Variants in SCRN3 observed in about 807,000 individuals in gnomAD.
SCRN3 encodes the protein secernin 3, also known as secernin-3.
In SCRN3, 39 loss-of-function variants were observed where a neutral mutation model predicts 43.1. That is an observed-to-expected ratio of 0.91 (90% confidence interval 0.70 to 1.18). The LOEUF (loss-of-function observed/expected upper bound fraction) is 1.18. SCRN3 is among the 50% of genes most tolerant of loss of function. The probability of loss-of-function intolerance (pLI) is 0.00; values close to 1 mark genes in which losing one functional copy is unlikely to be tolerated. For missense variants in SCRN3, 484 were observed against 498.0 expected (o/e 0.97, Z 0.27); for synonymous variants, 147 against 163.1 (o/e 0.90, Z 0.75).
rs1685666710 is a variant in SCRN3, at chr2:174,405,606, C to G, written c.754+1291C>G. 2.1e-5 allele frequency among the ~76,000 whole-genome samples: 3 copies of G among 141,990 alleles called. No homozygotes were observed. The South Asian group carries it at 6.6e-4, about 31-fold the overall frequency. The allele number at this position is 141,990 out of a possible 152,430, so 93.2% of individuals were successfully genotyped here. ...ATGGTTTTAGGTCTAAAGTTTAAGT[C>G]TTTAATCCATCTTGAATTGATTTTT... On this transcript the variant is annotated intron_variant, in intron 5 of 7. Transcript: ENST00000272732.
intron 7 of SCRN3, among the ~76,000 whole-genome samples, chr2:174,425,534 C>A (rs1238739474): frequency 6.6e-6 from 1 of 152,098 alleles, no homozygotes; most frequent in Non-Finnish European, 1.5e-5. Flanking sequence ...GAATTTTCCT[C>A]CAGGTAATAA....
At chr2:174,403,553 T>C (rs1434595671) in intron 4 of SCRN3, among the ~76,000 whole-genome samples, 2 of 152,204 alleles carry the variant, frequency 1.3e-5, no homozygotes, top group African/African-American at 2.4e-5. Context: ...ACTATTGATA[T>C]ATACAATAAC....
chr2:174,417,577 TA>T (rs1559081194), intron 5 of SCRN3, among the ~76,000 whole-genome samples: 1 of 152,108 alleles, frequency 6.6e-6, no homozygotes, highest in African/African-American at 2.4e-5. Context: ...GTATTTTTAG[TA>T]GAGACAGGGT....
intron 2 of SCRN3, among the ~76,000 whole-genome samples, chr2:174,399,579 A>G (rs1336242719): frequency 6.6e-6 from 1 of 152,234 alleles, no homozygotes; most frequent in Non-Finnish European, 1.5e-5. Flanking sequence ...TCTTCACTTC[A>G]TGACCCTAAT....
intron 5 of SCRN3, 80 bp from the exon 6 acceptor site, chr2:174,422,805 T>G: frequency 8.7e-6 from 7 of 807,574 alleles, no homozygotes; most frequent in Non-Finnish European, 1.2e-5. Flanking sequence ...TCACATATTA[T>G]CAGTAGAGAA....
chr2:174,408,315 A>G (rs1685768898), intron 5 of SCRN3, among the ~76,000 whole-genome samples: 1 of 122,596 alleles, frequency 8.2e-6, no homozygotes, highest in Non-Finnish European at 1.8e-5. Context: ...TTTGCTTGGT[A>G]GATCTTCCTC....
intron 5 of SCRN3, among the ~76,000 whole-genome samples, chr2:174,417,594 T>G (rs1036422777): frequency 2.6e-5 from 4 of 151,992 alleles, no homozygotes; most frequent in Non-Finnish European, 5.9e-5. Context: ...AGGGTTTCAT[T>G]TTGTTGGCCA....
rs1686548584 is a variant in SCRN3, at chr2:174,427,921, T to A, written c.*26T>A. The A allele has an allele frequency of 6.9e-7, 1 of 1,445,764 alleles. No homozygotes were observed. The highest frequency in any genetic ancestry group is 1.8e-5 in the Admixed American group (1 of 55,976). 89.6% of individuals were successfully genotyped at this position (1,445,764 alleles called of 1,614,324 possible). ...TGATCATATGGTCAGCTAATATTAGTTCTTAGTGATCAGTGGTCAGTAATC... is the reference window on the plus strand; with the variant it reads ...TGATCATATGGTCAGCTAATATTAGATCTTAGTGATCAGTGGTCAGTAATC... On this transcript the variant is annotated 3_prime_UTR_variant, in exon 8 of 8. Transcript: ENST00000272732.
At position 174,401,116 on chromosome 2, in the gene SCRN3, C is replaced by G. The variant is rs994983640; in HGVS notation, c.468C>G (p.Phe156Leu). The G allele has an allele frequency of 6.2e-7, 1 of 1,613,836 alleles. No individual in the cohort carries two copies. The highest frequency in any genetic ancestry group is 8.5e-7 in the Non-Finnish European group (1 of 1,179,854). ...TGGTATTTAGCTATCACAACAGTTT[C>G]CTGATAGCTGATAGGAATGAAGCCT... ...GRMVFSYHNSFLIADRNEAWI... is the reference protein window; with the variant it reads ...GRMVFSYHNSLLIADRNEAWI... Residue 156 changes from phenylalanine to leucine, a missense_variant, in exon 4 of 8, where the codon TTC becomes TTG. Transcript: ENST00000272732.
In SCRN3 at chr2:174,428,081, G is replaced by A; in HGVS notation, c.*186G>A. The A allele has an allele frequency of 2.6e-6, 1 of 390,054 alleles. No homozygotes were observed. Among genetic ancestry groups the A allele is most frequent in the Non-Finnish European group, 4.6e-6 (1 of 215,130 alleles). The allele number at this position is 390,054 out of a possible 1,614,324, so 24.2% of individuals were successfully genotyped here. Reference sequence around the variant, plus strand: ...GTGTTGCTGAAATAGAAAGAAAACAGCATTGGAATTGGATTCATGTATCGT... The same window carrying A: ...GTGTTGCTGAAATAGAAAGAAAACAACATTGGAATTGGATTCATGTATCGT... On this transcript the variant is annotated 3_prime_UTR_variant, in exon 8 of 8. Coordinates refer to ENST00000272732, the MANE Select transcript of SCRN3 (RefSeq NM_024583.5).
chr2:174,398,387 A>G lies in SCRN3; in HGVS notation c.104A>G (p.Gln35Arg), dbSNP rs375915861. The G allele has an allele frequency of 5.0e-6, 8 of 1,607,312 alleles. No individual in the cohort carries two copies. In the African/African-American group the frequency reaches 1.1e-4, roughly 22 times the overall value. ...TCAGATAGACTCTATGATGAAGTAC[A>G]AGAGGTGGTTTATTTTCCTGCTGTA... is the stretch of plus-strand genomic sequence containing the variant. ...KNSDRLYDEV[Q>R]EVVYFPAVVH... The change falls in exon 2 of 8, where the codon CAA (glutamine) becomes CGA (arginine). Residue 35 changes from glutamine (Q) to arginine (R), a missense_variant. Transcript: ENST00000272732.
chr2:174,403,540 TAAA>T (rs1685577688), intron 4 of SCRN3, among the ~76,000 whole-genome samples: 1 of 151,848 alleles, frequency 6.6e-6, no homozygotes, highest in African/African-American at 2.4e-5. Flanking sequence ...ATAAAAATAA[TAAA>T]CTATTGATAT....
chr2:174,421,940 T>C (rs1425728882), intron 5 of SCRN3, among the ~76,000 whole-genome samples: 1 of 152,022 alleles, frequency 6.6e-6, no homozygotes, highest in African/African-American at 2.4e-5. Flanking sequence ...CAAGAGAAAG[T>C]AATAAGATTT....
chr2:174,419,435 G>A (rs1313783022), intron 5 of SCRN3, among the ~76,000 whole-genome samples: 1 of 152,056 alleles, frequency 6.6e-6, no homozygotes, highest in Admixed American at 6.6e-5. Context: ...GCTGGAGTGC[G>A]GTGGCACGAT....
chr2:174,401,309 T>C (rs1366500005), intron 4 of SCRN3, 120 bp downstream of exon 4: 1 of 750,700 alleles, frequency 1.3e-6, no homozygotes, highest in Non-Finnish European at 2.1e-6. Context: ...AGGGTTGAAC[T>C]GCAAGGGAAA....
intron 3 of SCRN3, 71 bp from the exon 4 acceptor site, chr2:174,400,919 T>C (rs1041793501): frequency 7.9e-7 from 1 of 1,260,234 alleles, no homozygotes; most frequent in African/African-American, 1.5e-5. Flanking sequence ...AAAAATCTCA[T>C]GAGCATGAAA....
At chr2:174,414,859 A>G (rs1378130115) in intron 5 of SCRN3, among the ~76,000 whole-genome samples, 1 of 148,152 alleles carries the variant, frequency 6.7e-6, no homozygotes, top group African/African-American at 2.5e-5. Flanking sequence ...TGCCTCCTGG[A>G]TTCCAGCGAT....
intron 6 of SCRN3, 146 bp downstream of exon 6, chr2:174,423,193 C>T: frequency 1.8e-6 from 1 of 568,354 alleles, no homozygotes; most frequent in Admixed American, 3.4e-5. Flanking sequence ...CTTTAATCTG[C>T]AATATCCACA....
rs1434600691 is a variant in SCRN3, at chr2:174,404,158, A to T, written c.597A>T (p.Glu199Asp). Residue 199 changes from glutamate (E) to aspartate (D), a missense_variant, in exon 5 of 8, where the codon GAA becomes GAT. Coordinates refer to ENST00000272732, the MANE Select transcript of SCRN3 (RefSeq NM_024583.5). ...QLSITTKIAR[E>D]HPDMRNYAKR... ...CCATAACAACCAAGATTGCCCGGGA[A>T]CACCCAGACATGAGAAACTATGCTA... 1 of 1,613,714 alleles carries T rather than the reference A, an allele frequency of 6.2e-7. No homozygotes were observed. Among genetic ancestry groups the T allele is most frequent in the African/African-American group, 1.3e-5 (1 of 74,886 alleles).
Sources: allele counts gnomAD v4.1 joint callset (sites outside exome capture counted in the v4.1 genomes callset), GRCh38; gene constraint gnomAD v4.1.1; transcripts MANE v1.5; gene names NCBI Gene and HGNC (gene_info 2026-07-23, HGNC 2026-07-21).